The following SAMD5 variants were observed in gnomAD, a reference collection of about 807,000 sequenced individuals.
SAMD5 encodes sterile alpha motif domain-containing protein 5.
In SAMD5, 13 loss-of-function variants were observed where a neutral mutation model predicts 11.3. The observed-to-expected ratio is 1.15, with a 90% confidence interval of 0.75 to 1.83. The LOEUF (loss-of-function observed/expected upper bound fraction) is 1.83, where lower values mean the gene tolerates loss of function less well. Among genes scored for constraint, SAMD5 ranks in the 40% most tolerant of loss-of-function variants. The pLI is 0.00. For missense variants in SAMD5, 255 were observed against 239.1 expected, an observed-to-expected ratio of 1.07 and a Z score of -0.44; for synonymous variants, 129 against 111.3, an observed-to-expected ratio of 1.16 and a Z score of -1.00.
chr6:147,681,412 CTATT>C (rs1211795287), intron 1 of SAMD5, among the ~76,000 whole-genome samples: 11 of 152,054 alleles, frequency 7.2e-5, no homozygotes, highest in Non-Finnish European at 1.3e-4. Context: ...TTCTGTGTCT[CTATT>C]TAATCTGCAC....
the SAMD5 span, among the ~76,000 whole-genome samples, chr6:147,928,414 G>A: frequency 6.6e-6 from 1 of 151,980 alleles, no homozygotes; most frequent in African/African-American, 2.4e-5. Flanking sequence ...TGTCTCCAGG[G>A]ATTTATCCAC....
chr6:147,851,658 G>T, the SAMD5 span, among the ~76,000 whole-genome samples: 5 of 151,832 alleles, frequency 3.3e-5, no homozygotes, highest in African/African-American at 2.4e-5. Flanking sequence ...ATCTGTTCTT[G>T]GTTTAACACT....
At chr6:147,902,302 T>C in the SAMD5 span, among the ~76,000 whole-genome samples, 1 of 152,150 alleles carries the variant, frequency 6.6e-6, no homozygotes, top group Non-Finnish European at 1.5e-5. Flanking sequence ...GGGTTTTAAC[T>C]GTTCCTAAGG....
chr6:147,747,147 A>C, the SAMD5 span, among the ~76,000 whole-genome samples: 1 of 152,232 alleles, frequency 6.6e-6, no homozygotes, highest in Non-Finnish European at 1.5e-5. Flanking sequence ...TTGCTGGAAG[A>C]AAAGAATCCC....
At chr6:147,820,742 T>C in the SAMD5 span, among the ~76,000 whole-genome samples, 5 of 152,220 alleles carry the variant, frequency 3.3e-5, no homozygotes, top group African/African-American at 1.2e-4. Flanking sequence ...CTGTGCTCTG[T>C]GCCCGGGAGT....
the SAMD5 span, among the ~76,000 whole-genome samples, chr6:147,871,930 G>T: frequency 6.0e-4 from 92 of 152,226 alleles, no homozygotes; most frequent in Middle Eastern, 3.4e-3. Context: ...TAATTAAAGA[G>T]AAACTTAGCA....
At chr6:147,593,817 C>G (rs1166668048) in intron 1 of SAMD5, among the ~76,000 whole-genome samples, 1 of 151,982 alleles carries the variant, frequency 6.6e-6, no homozygotes, top group Non-Finnish European at 1.5e-5. Flanking sequence ...AGACTCATCC[C>G]CATGAAAGTA....
the SAMD5 span, among the ~76,000 whole-genome samples, chr6:147,852,980 A>G: frequency 6.6e-6 from 1 of 152,160 alleles, no homozygotes; most frequent in Non-Finnish European, 1.5e-5. Context: ...TCTTTTCTAC[A>G]TTAGAAGAGG....
At chr6:147,544,043 C>A (rs746115891) in intron 1 of SAMD5, among the ~76,000 whole-genome samples, 2 of 152,132 alleles carry the variant, frequency 1.3e-5, no homozygotes, top group Non-Finnish European at 1.5e-5. Flanking sequence ...TTATAAAATA[C>A]TTCCTAAGGT....
At chr6:147,755,393 T>A in the SAMD5 span, among the ~76,000 whole-genome samples, 1 of 152,048 alleles carries the variant, frequency 6.6e-6, no homozygotes, top group East Asian at 1.9e-4. Flanking sequence ...AGTTAAGGAG[T>A]ACAAAAGCAA....
At position 147,700,405 on chromosome 6, in the gene SAMD5, C is replaced by T. The variant is rs1434040678; in HGVS notation, c.163-36912C>T. On this transcript the variant is annotated intron_variant, in intron 1 of 1. Transcript: ENST00000566741. ...AGCAGGTGCATAGTTTAGATTTCAC[C>T]CCCATTTTTCTTATCTAAGTCCCAG... Among the ~76,000 whole-genome samples the T allele has an allele frequency of 3.3e-5, 5 of 152,018 alleles. No homozygotes were observed. The East Asian group carries it at 9.6e-4, about 29-fold the overall frequency.
chr6:147,658,602 T>G (rs1357625), intron 1 of SAMD5, among the ~76,000 whole-genome samples: 62,485 of 151,666 alleles, frequency 0.41, 14,854 homozygotes, highest in Middle Eastern at 0.54. Context: ...ATTTACTAAT[T>G]GAAATGATAT....
At chr6:147,614,378 A>T (rs1021873276) in intron 1 of SAMD5, among the ~76,000 whole-genome samples, 7 of 151,708 alleles carry the variant, frequency 4.6e-5, no homozygotes, top group Admixed American at 1.3e-4. Flanking sequence ...CTGAGGCAGG[A>T]GAATCAGTTG....
chr6:147,578,404 T>C (rs1789248892), intron 1 of SAMD5, among the ~76,000 whole-genome samples: 1 of 152,132 alleles, frequency 6.6e-6, no homozygotes. Flanking sequence ...TAAGTTACAA[T>C]AAAAACATGC....
At chr6:147,753,789 A>T in the SAMD5 span, among the ~76,000 whole-genome samples, 6 of 152,132 alleles carry the variant, frequency 3.9e-5, no homozygotes, top group East Asian at 1.2e-3. Flanking sequence ...TAGATCCCAC[A>T]AATAAGTGAG....
intron 1 of SAMD5, among the ~76,000 whole-genome samples, chr6:147,684,397 A>G (rs1352296547): frequency 2.6e-5 from 4 of 152,168 alleles, no homozygotes; most frequent in Admixed American, 6.5e-5. Flanking sequence ...GAGAAAGGCT[A>G]CTATGCACAG....
chr6:147,834,840 G>A, the SAMD5 span, among the ~76,000 whole-genome samples: 71 of 152,252 alleles, frequency 4.7e-4, 1 homozygote, highest in East Asian at 0.014. Context: ...TTGATTCAAT[G>A]GGAAACTATG....
chr6:147,537,230 A>G (rs371114120), intron 1 of SAMD5, among the ~76,000 whole-genome samples: 11 of 152,220 alleles, frequency 7.2e-5, no homozygotes, highest in African/African-American at 2.4e-4. Context: ...ATATTTGACA[A>G]TGCTTTCTGT....
intron 1 of SAMD5, among the ~76,000 whole-genome samples, chr6:147,592,176 A>G (rs993218274): frequency 6.6e-6 from 1 of 152,078 alleles, no homozygotes; most frequent in Non-Finnish European, 1.5e-5. Flanking sequence ...TTTTCTGTAG[A>G]CAGGATCTCA....
Sources: gnomAD v4.1 joint callset for allele counts (sites outside exome capture counted in the v4.1 genomes callset) on GRCh38, gnomAD v4.1.1 for gene constraint, MANE v1.5 for transcripts, NCBI Gene and HGNC (gene_info 2026-07-23, HGNC 2026-07-21) for gene names.